MGAT4C: variants seen among roughly 807,000 people sequenced by gnomAD.
MGAT4C encodes the protein alpha-1,3-mannosyl-glycoprotein 4-beta-N-acetylglucosaminyltransferase C.
MGAT4C carries 19 observed loss-of-function variants against 40.1 expected under a neutral mutation model. That is an observed-to-expected ratio of 0.47 (90% CI 0.33 to 0.70). MGAT4C has a LOEUF of 0.70. Among genes scored for constraint, MGAT4C ranks in the 30% least tolerant of loss-of-function variants. The probability of loss-of-function intolerance (pLI) is 0.02; values close to 1 mark genes in which losing one functional copy is unlikely to be tolerated. For synonymous variants in MGAT4C, 181 were observed against 187.1 expected (o/e 0.97, Z 0.27); for missense variants, 491 against 563.2 (o/e 0.87, Z 1.30).
At chr12:86,226,463 C>T (rs1354804299) in intron 1 of MGAT4C, among the ~76,000 whole-genome samples, 2 of 151,846 alleles carry the variant, frequency 1.3e-5, no homozygotes, top group East Asian at 3.9e-4. Flanking sequence ...AAATAACCCC[C>T]CACTGGTAAA....
At chr12:86,168,748 A>G (rs1478852015) in intron 1 of MGAT4C, among the ~76,000 whole-genome samples, 1 of 152,178 alleles carries the variant, frequency 6.6e-6, no homozygotes, top group Non-Finnish European at 1.5e-5. Context: ...CTAGACAAAA[A>G]GAGTGGATGA....
At chr12:86,393,982 AC>A (rs1298570296) in intron 3 of MGAT4C, among the ~76,000 whole-genome samples, 1 of 152,042 alleles carries the variant, frequency 6.6e-6, no homozygotes. Context: ...TCTGTGATAG[AC>A]TCCAATGATT....
chr12:86,769,279 A>G (rs1951582901), intron 1 of MGAT4C, among the ~76,000 whole-genome samples: 1 of 152,142 alleles, frequency 6.6e-6, no homozygotes, highest in African/African-American at 2.4e-5. Flanking sequence ...GCTCACCATC[A>G]CTGGCCATCA....
intron 2 of MGAT4C, among the ~76,000 whole-genome samples, chr12:86,610,531 G>C (rs1257834477): frequency 2.7e-5 from 4 of 149,246 alleles, no homozygotes; most frequent in African/African-American, 9.9e-5. Context: ...CCAAGGAAGA[G>C]GTAAAAGGGC....
At chr12:86,721,080 G>T (rs567517414) in intron 2 of MGAT4C, among the ~76,000 whole-genome samples, 1 of 152,178 alleles carries the variant, frequency 6.6e-6, no homozygotes, top group East Asian at 1.9e-4. Context: ...GATAGGTATG[G>T]GGCCAATGTA....
At chr12:86,191,342 T>G (rs1426400836) in intron 1 of MGAT4C, among the ~76,000 whole-genome samples, 1 of 151,978 alleles carries the variant, frequency 6.6e-6, no homozygotes, top group African/African-American at 2.4e-5. Flanking sequence ...TGGTGTGACG[T>G]GGCAAGAAAA....
intron 4 of MGAT4C, among the ~76,000 whole-genome samples, chr12:86,318,015 TAACTC>T (rs141600249): frequency 2.8e-4 from 42 of 152,118 alleles, no homozygotes; most frequent in African/African-American, 1.0e-3. Flanking sequence ...AAATTTAACT[TAACTC>T]AAGGCAAAAT....
intron 2 of MGAT4C, among the ~76,000 whole-genome samples, chr12:86,516,502 C>T (rs377411253): frequency 6.6e-6 from 1 of 152,040 alleles, no homozygotes; most frequent in African/African-American, 2.4e-5. Flanking sequence ...AATGTAAGTG[C>T]TAAAACTCTA....
At chr12:86,205,470 A>C (rs117523594) in intron 1 of MGAT4C, among the ~76,000 whole-genome samples, 1 of 151,676 alleles carries the variant, frequency 6.6e-6, no homozygotes, top group African/African-American at 2.4e-5. Context: ...GTTGTAAAAC[A>C]TATATAATTT....
chr12:86,642,896 A>C (rs1963431852), intron 2 of MGAT4C, among the ~76,000 whole-genome samples: 1 of 151,750 alleles, frequency 6.6e-6, no homozygotes, highest in Non-Finnish European at 1.5e-5. Context: ...TATGGCAAAA[A>C]TGAAACCTTC....
chr12:86,770,436 A>C (rs1297693523), intron 1 of MGAT4C, among the ~76,000 whole-genome samples: 1 of 152,118 alleles, frequency 6.6e-6, no homozygotes, highest in Admixed American at 6.6e-5. Flanking sequence ...TTAAATAATC[A>C]AATGTTTCAA....
intron 2 of MGAT4C, among the ~76,000 whole-genome samples, chr12:86,640,717 C>T (rs1484398603): frequency 6.6e-6 from 1 of 151,776 alleles, no homozygotes; most frequent in African/African-American, 2.4e-5. Flanking sequence ...TTGGATCTTT[C>T]CTGCTTTCTC....
chr12:86,080,976 T>C (rs1454295908), intron 1 of MGAT4C, among the ~76,000 whole-genome samples: 2 of 152,180 alleles, frequency 1.3e-5, no homozygotes, highest in African/African-American at 2.4e-5. Flanking sequence ...AAGTAATGCA[T>C]ATGTTTTCTG....
At chr12:86,418,603 A>C (rs539174923) in intron 3 of MGAT4C, among the ~76,000 whole-genome samples, 129 of 151,320 alleles carry the variant, frequency 8.5e-4, no homozygotes, top group African/African-American at 3.0e-3. Flanking sequence ...TAAATAAATA[A>C]ATAAATAAAT....
chr12:86,516,919 A>G (rs1008713614), intron 2 of MGAT4C, among the ~76,000 whole-genome samples: 4 of 152,210 alleles, frequency 2.6e-5, no homozygotes, highest in African/African-American at 9.6e-5. Flanking sequence ...AACATTATAC[A>G]CAAATGTCAA....
chr12:86,774,315 C>CTTTCTTTCTTTCTTTCTTTCTTTCTTTCT lies in MGAT4C; in HGVS notation c.-261-47075_-261-47074insAGAAAGAAAGAAAGAAAGAAAGAAAGAAA. Among the ~76,000 whole-genome samples the CTTTCTTTCTTTCTTTCTTTCTTTCTTTCT allele has an allele frequency of 9.7e-3, 577 of 59,380 alleles. 40 individuals are homozygous for CTTTCTTTCTTTCTTTCTTTCTTTCTTTCT. Among genetic ancestry groups the CTTTCTTTCTTTCTTTCTTTCTTTCTTTCT allele is most frequent in the African/African-American group, 0.029 (541 of 18,656 alleles). 39.0% of individuals were successfully genotyped at this position (59,380 alleles called of 152,430 possible). ...TCTTTCTTTCTTTCTTTCTTTCTTTCTTTCTTTCTTTCTTTCTTTCTTTCT... is the reference window on the plus strand; with the variant it reads ...TCTTTCTTTCTTTCTTTCTTTCTTTCTTTCTTTCTTTCTTTCTTTCTTTCTTTCTTTTCTTTCTTTCTTTCTTTCTTTCT... On this transcript the variant is annotated intron_variant, in intron 1 of 7. Transcript: ENST00000548651.
chr12:86,801,945 C>G (rs1471754522), intron 1 of MGAT4C, among the ~76,000 whole-genome samples: 1 of 151,794 alleles, frequency 6.6e-6, no homozygotes, highest in Non-Finnish European at 1.5e-5. Context: ...ATGTAAATAT[C>G]AAACTGGCCC....
chr12:86,418,177 T>C (rs1225243162), intron 3 of MGAT4C, among the ~76,000 whole-genome samples: 1 of 152,300 alleles, frequency 6.6e-6, no homozygotes, highest in East Asian at 1.9e-4. Flanking sequence ...AATTTTCTCA[T>C]TTCAAATGCT....
chr12:86,234,043 T>C (rs918300282), intron 1 of MGAT4C, among the ~76,000 whole-genome samples: 6 of 152,186 alleles, frequency 3.9e-5, no homozygotes, highest in African/African-American at 1.4e-4. Flanking sequence ...TCAAATAATG[T>C]ATGCTATCAT....
Sources: allele counts gnomAD v4.1 joint callset (sites outside exome capture counted in the v4.1 genomes callset), GRCh38; gene constraint gnomAD v4.1.1; transcripts MANE v1.5; gene names NCBI Gene and HGNC (gene_info 2026-07-23, HGNC 2026-07-21).